KCNU1: variants seen among roughly 807,000 people sequenced by gnomAD.
KCNU1 encodes the protein potassium channel subfamily U member 1.
Under a neutral mutation model 126.8 loss-of-function variants are expected in KCNU1, and 93 were observed. The ratio of observed to expected loss-of-function variants is 0.73; its 90% confidence interval spans 0.62 to 0.87. The LOEUF is 0.87. Ranked by LOEUF, KCNU1 falls within the 40% of genes least tolerant of loss-of-function variation. The pLI is 0.00. For synonymous variants in KCNU1, 523 were observed against 494.2 expected (o/e 1.06, Z -0.77); for missense variants, 1,330 against 1,367.1 (o/e 0.97, Z 0.43).
At chr8:36,843,664 C>T (rs1265832102) in intron 16 of KCNU1, among the ~76,000 whole-genome samples, 1 of 152,206 alleles carries the variant, frequency 6.6e-6, no homozygotes, top group Non-Finnish European at 1.5e-5. Flanking sequence ...AGAAGGAAGA[C>T]TGCATGTTTA....
intron 2 of KCNU1, among the ~76,000 whole-genome samples, chr8:36,798,397 T>C (rs1269077714): frequency 6.6e-6 from 1 of 152,206 alleles, no homozygotes; most frequent in Admixed American, 6.5e-5. Flanking sequence ...CATGTTTATT[T>C]GCCATATTTT....
chr8:36,797,096 T>C (rs1226692202), intron 2 of KCNU1, among the ~76,000 whole-genome samples: 1 of 152,072 alleles, frequency 6.6e-6, no homozygotes, highest in Non-Finnish European at 1.5e-5. Flanking sequence ...TTTCAGGAGA[T>C]TTCGGTTCAA....
chr8:36,898,063 C>T (rs1807266902), intron 19 of KCNU1, among the ~76,000 whole-genome samples: 1 of 151,922 alleles, frequency 6.6e-6, no homozygotes, highest in Non-Finnish European at 1.5e-5. Flanking sequence ...AGTTTGTGGT[C>T]CTCAATGCAT....
chr8:36,865,258 G>T (rs555354824), intron 19 of KCNU1, among the ~76,000 whole-genome samples: 1 of 152,134 alleles, frequency 6.6e-6, no homozygotes, highest in East Asian at 1.9e-4. Flanking sequence ...GGTATTTAAA[G>T]CACTTTGCTG....
chr8:36,815,683 A>C lies in KCNU1; in HGVS notation c.991A>C (p.Lys331Gln). 2 of 1,532,216 alleles carry C rather than the reference A, an allele frequency of 1.3e-6. No individual in the cohort carries two copies. The highest frequency in any genetic ancestry group is 2.3e-5 in the East Asian group (1 of 44,134). 94.9% of individuals were successfully genotyped at this position (1,532,216 alleles called of 1,614,324 possible). A position where few individuals can be genotyped will look rare whatever the true frequency, so the allele number is the denominator to read the frequency against. ...CAGTTCCTATGAAGCACTCAAAGGA[A>C]AGAAGTAAGTAGTGTTTTAAGTATA... ...YTSSYEALKG[K>Q]KFIVVCGNIT... The change falls in exon 9 of 27, where the codon AAG (lysine) becomes CAG (glutamine). Residue 331 changes from lysine (K) to glutamine (Q), a missense_variant. Around this residue, in one of 3 missense-constraint regions of KCNU1, gnomAD observed 1,054 missense variants for 1,053.9 expected, o/e 1.00. Coordinates refer to ENST00000399881, the MANE Select transcript of KCNU1 (RefSeq NM_001031836.3).
At chr8:36,795,713 A>C (rs1037972097) in intron 2 of KCNU1, 3 of 152,252 alleles carry the variant, frequency 2.0e-5, no homozygotes, top group African/African-American at 7.2e-5. Flanking sequence ...GGACCACTGG[A>C]TCTTCCAACA....
At chr8:36,933,667 G>C (rs1411553584) in intron 26 of KCNU1, among the ~76,000 whole-genome samples, 2 of 152,082 alleles carry the variant, frequency 1.3e-5, no homozygotes, top group East Asian at 3.9e-4. Context: ...GAAAGGAATA[G>C]AGTGGAAATA....
rs529688376 is a variant in KCNU1, at chr8:36,804,191, A to G, written c.377+103A>G. Reference sequence around the variant, plus strand: ...TAATGCTTAATATACTTTCACACACACATGCACGCACACACACAAACTCAT... The same window carrying G: ...TAATGCTTAATATACTTTCACACACGCATGCACGCACACACACAAACTCAT... On this transcript the variant is annotated intron_variant, in intron 3 of 26. Transcript: ENST00000399881. 509 of 736,990 alleles carry G rather than the reference A, an allele frequency of 6.9e-4. 2 individuals carry two copies. The African/African-American group carries it at 7.9e-3, about 11-fold the overall frequency. 45.7% of individuals were successfully genotyped at this position (736,990 alleles called of 1,614,324 possible).
chr8:36,788,150 C>T (rs1179060058), intron 2 of KCNU1, among the ~76,000 whole-genome samples: 2 of 152,010 alleles, frequency 1.3e-5, no homozygotes, highest in Non-Finnish European at 2.9e-5. Context: ...ACTCTACTTC[C>T]TATTTTAATC....
intron 4 of KCNU1, among the ~76,000 whole-genome samples, chr8:36,805,728 A>G (rs963840371): frequency 2.6e-5 from 4 of 152,226 alleles, no homozygotes; most frequent in African/African-American, 9.6e-5. Context: ...AGAGGTATTT[A>G]TTAAGACCTG....
At chr8:36,796,501 G>C (rs1803105113) in intron 2 of KCNU1, among the ~76,000 whole-genome samples, 1 of 152,158 alleles carries the variant, frequency 6.6e-6, no homozygotes, top group Non-Finnish European at 1.5e-5. Flanking sequence ...TGTATTTCCA[G>C]CAGACTTTGA....
rs2130560254 is a variant in KCNU1, at chr8:36,836,915, A to G, written c.1488A>G (p.Leu496=). The change falls in exon 14 of 27, where the codon CTA becomes CTG. Residue 496 remains leucine, a synonymous_variant. Transcript: ENST00000399881. ...TGGTGCCAGGCTTGTGTACCTTCCT[A>G]ACATCTCTATTTGTGGAGCAAAACA... The part of the protein sequence containing the change: ...GCLVPGLCTF[L]TSLFVEQNKK... 1.2e-6 allele frequency: 2 copies of G among 1,613,798 alleles called. No individual in the cohort carries two copies. Among genetic ancestry groups the G allele is most frequent in the East Asian group, 4.5e-5 (2 of 44,868 alleles).
intron 22 of KCNU1, among the ~76,000 whole-genome samples, chr8:36,918,319 A>T (rs764352940): frequency 6.6e-6 from 1 of 152,092 alleles, no homozygotes; most frequent in Non-Finnish European, 1.5e-5. Flanking sequence ...AGAAAGGAGG[A>T]TTACTTGAGG....
chr8:36,851,265 G>A (rs1400606629), intron 18 of KCNU1, among the ~76,000 whole-genome samples: 1 of 152,226 alleles, frequency 6.6e-6, no homozygotes, highest in East Asian at 1.9e-4. Flanking sequence ...CGTGAGTCAA[G>A]GGAGGAACCT....
intron 22 of KCNU1, among the ~76,000 whole-genome samples, chr8:36,918,398 A>T (rs941728572): frequency 1.8e-4 from 27 of 152,016 alleles, no homozygotes; most frequent in South Asian, 1.0e-3. Flanking sequence ...AATAAAAAAA[A>T]AAATAAATTA....
At chr8:36,901,445 C>A (rs906407887) in intron 19 of KCNU1, among the ~76,000 whole-genome samples, 1 of 152,104 alleles carries the variant, frequency 6.6e-6, no homozygotes, top group African/African-American at 2.4e-5. Flanking sequence ...AACAGAGCTG[C>A]CTTTCCCTGC....
At chr8:36,849,839 C>A (rs1805281141) in intron 18 of KCNU1, among the ~76,000 whole-genome samples, 1 of 152,058 alleles carries the variant, frequency 6.6e-6, no homozygotes, top group African/African-American at 2.4e-5. Context: ...TATGTATACA[C>A]CCAGAAGTAG....
intron 18 of KCNU1, among the ~76,000 whole-genome samples, chr8:36,846,787 C>CAA (rs1805165296): frequency 1.0e-4 from 6 of 58,228 alleles, no homozygotes; most frequent in Admixed American, 2.3e-4. Flanking sequence ...GGCGACAGAG[C>CAA]GAAAAAAAAA....
At position 36,784,593 on chromosome 8, in the gene KCNU1, A is replaced by G. The variant is rs759266144; in HGVS notation, c.183A>G (p.Thr61=). ...AAAAATGGCAAATCATCAAGGGAAC[A>G]GGAATTATCTTGGTCAGTTTCCTTG... ...SVKKWQIIKG[T]GIILELFTSG... The change falls in exon 1 of 27, where the codon ACA becomes ACG. Residue 61 remains threonine, a synonymous_variant. Coordinates refer to ENST00000399881, the MANE Select transcript of KCNU1 (RefSeq NM_001031836.3). 5 of 1,612,150 alleles carry G rather than the reference A, an allele frequency of 3.1e-6. No individual in the cohort carries two copies. Among genetic ancestry groups the G allele is most frequent in the Non-Finnish European group, 4.2e-6 (5 of 1,178,728 alleles).
Sources: allele counts gnomAD v4.1 joint callset (sites outside exome capture counted in the v4.1 genomes callset), GRCh38; gene constraint gnomAD v4.1.1; regional missense constraint gnomAD v4.1.1; transcripts MANE v1.5; gene names NCBI Gene and HGNC (gene_info 2026-07-23, HGNC 2026-07-21).